CD247: variants seen among roughly 807,000 people sequenced by gnomAD.
CD247 encodes CD247 molecule, also known as T-cell surface glycoprotein CD3 zeta chain.
Under a neutral mutation model 30.0 loss-of-function variants are expected in CD247, and 13 were observed. The ratio of observed to expected loss-of-function variants is 0.43; its 90% CI spans 0.28 to 0.69. The LOEUF (loss-of-function observed/expected upper bound fraction) is 0.69. Among genes scored for constraint, CD247 ranks in the 30% least tolerant of loss-of-function variants. The probability of loss-of-function intolerance (pLI) is 0.16; values close to 1 mark genes in which losing one functional copy is unlikely to be tolerated. For synonymous variants in CD247, 72 were observed against 80.0 expected (o/e 0.90, Z 0.53); for missense variants, 193 against 212.6 (o/e 0.91, Z 0.57).
intron 1 of CD247, among the ~76,000 whole-genome samples, chr1:167,484,323 G>T (rs1255137023): frequency 6.6e-6 from 1 of 152,136 alleles, no homozygotes; most frequent in African/African-American, 2.4e-5. Context: ...TGTTGTGGGG[G>T]CTCCTTAAAG....
At chr1:167,435,805 G>T (rs899990114) in intron 4 of CD247, among the ~76,000 whole-genome samples, 1 of 152,252 alleles carries the variant, frequency 6.6e-6, no homozygotes, top group African/African-American at 2.4e-5. Context: ...CTGGTAGTGA[G>T]TGCCTACTGA....
At chr1:167,439,045 C>T (rs942112307) in intron 3 of CD247, among the ~76,000 whole-genome samples, 3 of 152,196 alleles carry the variant, frequency 2.0e-5, no homozygotes, top group African/African-American at 4.8e-5. Flanking sequence ...TCTCCACCCC[C>T]CTCTAGCCTT....
At chr1:167,488,846 G>T (rs1361774304) in intron 1 of CD247, among the ~76,000 whole-genome samples, 1 of 152,192 alleles carries the variant, frequency 6.6e-6, no homozygotes, top group Non-Finnish European at 1.5e-5. Context: ...ACGTGAGTAT[G>T]TTCTTGTAGC....
intron 1 of CD247, among the ~76,000 whole-genome samples, chr1:167,455,687 C>T (rs2949661): frequency 0.27 from 40,483 of 152,196 alleles, 6,790 homozygotes; most frequent in Middle Eastern, 0.41. Flanking sequence ...ACTTGCGGTC[C>T]CTTGTCCCCG....
At chr1:167,473,367 T>C (rs985192500) in intron 1 of CD247, among the ~76,000 whole-genome samples, 1 of 152,176 alleles carries the variant, frequency 6.6e-6, no homozygotes, top group Non-Finnish European at 1.5e-5. Flanking sequence ...GCAACCTGCA[T>C]ATTGTTTCGA....
At chr1:167,463,532 G>T (rs1459751079) in intron 1 of CD247, among the ~76,000 whole-genome samples, 1 of 152,230 alleles carries the variant, frequency 6.6e-6, no homozygotes, top group Non-Finnish European at 1.5e-5. Context: ...GAGTTAGTCT[G>T]CTGGGATATT....
At chr1:167,480,445 G>A (rs376926572) in intron 1 of CD247, among the ~76,000 whole-genome samples, 1 of 152,104 alleles carries the variant, frequency 6.6e-6, no homozygotes, top group African/African-American at 2.4e-5. Context: ...TCCCCAACCT[G>A]CCCCTGACAC....
At chr1:167,498,979 G>A (rs1158874934) in intron 1 of CD247, among the ~76,000 whole-genome samples, 1 of 152,232 alleles carries the variant, frequency 6.6e-6, no homozygotes, top group African/African-American at 2.4e-5. Context: ...TTCAGCTTGT[G>A]TCAGGAAAGT....
At chr1:167,467,341 G>T (rs958636550) in intron 1 of CD247, among the ~76,000 whole-genome samples, 6 of 152,202 alleles carry the variant, frequency 3.9e-5, no homozygotes, top group Non-Finnish European at 8.8e-5. Flanking sequence ...CCTGACTCAT[G>T]AAACCATGCC....
chr1:167,449,156 T>TTTTTTTTTTTTTTCTTTTTTTC (rs1558000527), intron 1 of CD247, among the ~76,000 whole-genome samples: 2 of 113,578 alleles, frequency 1.8e-5, no homozygotes, highest in African/African-American at 3.6e-5. Flanking sequence ...TTTCTTTTTT[T>TTTTTTTTTTTTTTCTTTTTTTC]TTTTTTTTTT....
At chr1:167,517,645 C>T (rs1655669409) in intron 1 of CD247, among the ~76,000 whole-genome samples, 1 of 152,228 alleles carries the variant, frequency 6.6e-6, no homozygotes, top group Admixed American at 6.5e-5. Context: ...TCTCATCTGC[C>T]CCGTGTTCTG....
chr1:167,440,339 A>C (rs923238850), intron 2 of CD247: 1 of 399,430 alleles, frequency 2.5e-6, no homozygotes, highest in African/African-American at 2.0e-5. Flanking sequence ...TCACACTTGG[A>C]AAGAAGGACC....
chr1:167,467,610 A>G (rs1462047606), intron 1 of CD247, among the ~76,000 whole-genome samples: 1 of 152,176 alleles, frequency 6.6e-6, no homozygotes, highest in African/African-American at 2.4e-5. Context: ...GCTGGCTGTT[A>G]AGAGCAGCCT....
rs200103990 is a variant in CD247 at position 167,431,752 on chromosome 1, G to A, written c.430-6C>T. 104 of 1,613,752 alleles carry A rather than the reference G, an allele frequency of 6.4e-5. No homozygotes were observed. The highest frequency in any genetic ancestry group is 4.0e-4 in the Admixed American group (24 of 60,018). On this transcript the variant is annotated splice_polypyrimidine_tract_variant and splice_region_variant and intron_variant, in intron 7 of 7. Coordinates refer to ENST00000362089, the MANE Select transcript of CD247 (RefSeq NM_198053.3). Reference sequence around the variant, plus strand: ...TTGGTGGCTGTACTGAGACCCTGGCGTGAAAGCAAATCAGAAAACAAAGAG... The same window carrying A: ...TTGGTGGCTGTACTGAGACCCTGGCATGAAAGCAAATCAGAAAACAAAGAG...
At chr1:167,493,037 C>T (rs1158556709) in intron 1 of CD247, among the ~76,000 whole-genome samples, 2 of 80,366 alleles carry the variant, frequency 2.5e-5, no homozygotes, top group East Asian at 3.6e-4. Flanking sequence ...AATTTTTCTC[C>T]TTTTTTTTTT....
intron 6 of CD247, 93 bp from the exon 7 acceptor site, chr1:167,433,152 G>A: frequency 7.8e-7 from 1 of 1,275,054 alleles, no homozygotes; most frequent in Non-Finnish European, 1.1e-6. Flanking sequence ...AGGTACCCAG[G>A]AAGTCAGAGG....
chr1:167,434,786 GA>G (rs1163948973), intron 5 of CD247: 3 of 455,410 alleles, frequency 6.6e-6, no homozygotes, highest in African/African-American at 6.0e-5. Flanking sequence ...TTCAGCTAAG[GA>G]GACTTTCTAG....
At chr1:167,434,145 A>C (rs959565377) in intron 5 of CD247, 69 bp from the exon 6 acceptor site, 45 of 1,446,826 alleles carry the variant, frequency 3.1e-5, no homozygotes, top group Non-Finnish European at 4.1e-5. Context: ...CCCCTACAAC[A>C]GGAAGCTTCT....
chr1:167,445,786 A>G (rs923700694), intron 1 of CD247, among the ~76,000 whole-genome samples: 1 of 152,190 alleles, frequency 6.6e-6, no homozygotes, highest in African/African-American at 2.4e-5. Flanking sequence ...GGCTGAAAAT[A>G]CACGCTGGTG....
Sources: gnomAD v4.1 joint callset for allele counts (sites outside exome capture counted in the v4.1 genomes callset) on GRCh38, gnomAD v4.1.1 for gene constraint, MANE v1.5 for transcripts, NCBI Gene and HGNC (gene_info 2026-07-23, HGNC 2026-07-21) for gene names.